Variants in STAG2 observed in about 807,000 individuals in gnomAD.
STAG2 encodes cohesin subunit SA-2.
In STAG2, 14 loss-of-function variants were observed where a neutral mutation model predicts 108.1. The ratio of observed to expected loss-of-function variants is 0.13; its 90% CI spans 0.09 to 0.20. The LOEUF is 0.20. STAG2 is among the 10% of genes least tolerant of loss of function. STAG2 has a pLI of 1.00. For synonymous variants in STAG2, 307 were observed against 302.7 expected, an observed-to-expected ratio of 1.01 and a Z score of -0.15; for missense variants, 440 against 940.9, an observed-to-expected ratio of 0.47 and a Z score of 6.96.
chrX:124,014,515 C>A (rs1237873563), intron 1 of STAG2, among the ~76,000 whole-genome samples: 1 of 110,542 alleles, frequency 9.0e-6, no homozygotes, highest in East Asian at 2.8e-4. Context: ...CCTGTGCCAC[C>A]ATGCCCAGCT....
chrX:124,076,055 A>T (rs902865676), intron 25 of STAG2, among the ~76,000 whole-genome samples: 1 of 111,619 alleles, frequency 9.0e-6, no homozygotes, highest in Non-Finnish European at 1.9e-5. Context: ...CTATCCTGCT[A>T]GGGAAGTAGA....
At chrX:124,041,568 T>C (rs954833134) in intron 6 of STAG2, among the ~76,000 whole-genome samples, 1 of 111,502 alleles carries the variant, frequency 9.0e-6, no homozygotes, top group African/African-American at 3.3e-5. Context: ...ACTATATTTA[T>C]GGTATTTCTA....
At chrX:123,973,924 A>G (rs1186254889) in intron 1 of STAG2, among the ~76,000 whole-genome samples, 1 of 111,440 alleles carries the variant, frequency 9.0e-6, no homozygotes, top group South Asian at 3.8e-4. Context: ...TTAGGGGAAT[A>G]TAGTCAGTTG....
At chrX:123,998,506 CAGTT>C (rs2055863692) in intron 1 of STAG2, among the ~76,000 whole-genome samples, 2 of 103,741 alleles carry the variant, frequency 1.9e-5, no homozygotes, top group South Asian at 8.7e-4. Flanking sequence ...TTTTAAGGAA[CAGTT>C]ATATCGTTTT....
chrX:124,001,538 A>G (rs1343300902), intron 1 of STAG2, among the ~76,000 whole-genome samples: 2 of 112,000 alleles, frequency 1.8e-5, no homozygotes, highest in Admixed American at 1.9e-4. Flanking sequence ...TGCAAGCTCC[A>G]TTCATGGTGA....
intron 1 of STAG2, among the ~76,000 whole-genome samples, chrX:123,995,849 C>G (rs1007756873): frequency 8.9e-6 from 1 of 112,235 alleles, no homozygotes; most frequent in Non-Finnish European, 1.9e-5. Context: ...ATTTCCTTAG[C>G]AAGAGTTCAG....
Position 124,031,096 on chromosome X carries a change from G to A in STAG2, c.259G>A (p.Val87Ile). Reference sequence around the variant, plus strand: ...AGTGGAAAACATGATGTTGTTTGAAGTTGTTAAAATGGGCAAGAGTGCTAT... The same window carrying A: ...AGTGGAAAACATGATGTTGTTTGAAATTGTTAAAATGGGCAAGAGTGCTAT... ...NGVENMMLFE[V>I]VKMGKSAMQS... Residue 87 changes from valine to isoleucine, a missense_variant, in exon 5 of 35, where the codon GTT becomes ATT. Around this residue, in one of 3 missense-constraint regions of STAG2, gnomAD observed 69 missense variants for 254.9 expected, o/e 0.27. Coordinates refer to ENST00000371145, the MANE Select transcript of STAG2 (RefSeq NM_001042750.2). 8.3e-7 allele frequency: 1 copy of A among 1,209,895 alleles called. No homozygotes were observed. The highest frequency in any genetic ancestry group is 1.1e-6 in the Non-Finnish European group (1 of 894,824).
At chrX:124,009,009 A>G (rs767623165) in intron 1 of STAG2, among the ~76,000 whole-genome samples, 51 of 111,820 alleles carry the variant, frequency 4.6e-4, no homozygotes, top group African/African-American at 1.6e-3. Flanking sequence ...TATGAATCTA[A>G]GATAGTTTCA....
At chrX:123,974,907 C>G (rs2054551854) in intron 1 of STAG2, among the ~76,000 whole-genome samples, 1 of 111,848 alleles carries the variant, frequency 8.9e-6, no homozygotes, top group Admixed American at 9.5e-5. Context: ...ATTCACTCAC[C>G]CACACACTCA....
At chrX:124,000,820 GT>G (rs2055996917) in intron 1 of STAG2, among the ~76,000 whole-genome samples, 3 of 112,082 alleles carry the variant, frequency 2.7e-5, no homozygotes, top group East Asian at 5.6e-4. Flanking sequence ...AGATGTAGAA[GT>G]GTAAGACAGT....
At chrX:123,964,942 T>A (rs2147461965) in intron 1 of STAG2, among the ~76,000 whole-genome samples, 1 of 107,399 alleles carries the variant, frequency 9.3e-6, no homozygotes, top group African/African-American at 3.4e-5. Context: ...TGCTCCTAAA[T>A]TCTATTAAGG....
intron 10 of STAG2, 83 bp downstream of exon 10, chrX:124,049,161 T>A: frequency 1.4e-6 from 1 of 737,140 alleles, no homozygotes. Context: ...GTAGGGAATC[T>A]AAATTAGCAG....
At chrX:124,006,021 T>A (rs1432307708) in intron 1 of STAG2, among the ~76,000 whole-genome samples, 1 of 111,353 alleles carries the variant, frequency 9.0e-6, no homozygotes, top group East Asian at 2.8e-4. Flanking sequence ...TCCTTTTTTT[T>A]ATTAGAGTAC....
rs189305317 is a variant in STAG2, at chrX:123,995,476, C to T, written c.-162-25891C>T. Among the ~76,000 whole-genome samples, 449 of 111,089 alleles carry T rather than the reference C, an allele frequency of 4.0e-3. 2 individuals carry two copies. The highest frequency in any genetic ancestry group is 0.014 in the Middle Eastern group (3 of 215). On this transcript the variant is annotated intron_variant, in intron 1 of 34. Transcript: ENST00000371145. Reference sequence around the variant, plus strand: ...TTGGGAGGCCGAGGCGGGTGGATCACGAGGTGAGGAGATCGAGACCATCCT... The same window carrying T: ...TTGGGAGGCCGAGGCGGGTGGATCATGAGGTGAGGAGATCGAGACCATCCT...
chrX:124,011,092 A>T (rs2056506035), intron 1 of STAG2, among the ~76,000 whole-genome samples: 1 of 111,296 alleles, frequency 9.0e-6, no homozygotes, highest in South Asian at 3.7e-4. Flanking sequence ...TTCAGTGTAC[A>T]AGTCTTCTAC....
intron 26 of STAG2, among the ~76,000 whole-genome samples, chrX:124,077,032 T>A (rs1393217274): frequency 1.3e-4 from 14 of 111,566 alleles, no homozygotes; most frequent in African/African-American, 3.9e-4. Flanking sequence ...TTGATTATAC[T>A]AACAGAATGT....
chrX:124,013,279 T>G (rs1437299493), intron 1 of STAG2, among the ~76,000 whole-genome samples: 4 of 109,227 alleles, frequency 3.7e-5, no homozygotes, highest in African/African-American at 1.0e-4. Flanking sequence ...CACAAAGTTA[T>G]GTTAATAAGA....
chrX:124,083,360 TG>T, intron 28 of STAG2, 60 bp from the exon 29 acceptor site: 1 of 963,589 alleles, frequency 1.0e-6, no homozygotes, highest in East Asian at 3.7e-5. Flanking sequence ...CCTAAGTTAT[TG>T]ACTTTTTTAT....
rs76876596 is a variant in STAG2, at chrX:124,058,072, A to G, written c.1416+95A>G. 16,799 of 414,242 alleles carry G rather than the reference A, an allele frequency of 0.041. 328 individuals carry two copies. Among genetic ancestry groups the G allele is most frequent in the Non-Finnish European group, 0.047 (12,350 of 260,882 alleles). The allele number at this position is 414,242 out of a possible 1,213,427, so 34.1% of individuals were successfully genotyped here. On this transcript the variant is annotated intron_variant, in intron 15 of 34. Coordinates refer to ENST00000371145, the MANE Select transcript of STAG2 (RefSeq NM_001042750.2). Reference sequence around the variant, plus strand: ...TTTAAAAAAATATTCCTTGTAGCACAGTAAATTGTGAATAGAATGGAGAGC... The same window carrying G: ...TTTAAAAAAATATTCCTTGTAGCACGGTAAATTGTGAATAGAATGGAGAGC...
Sources: allele counts gnomAD v4.1 joint callset (sites outside exome capture counted in the v4.1 genomes callset), GRCh38; gene constraint gnomAD v4.1.1; regional missense constraint gnomAD v4.1.1; transcripts MANE v1.5; gene names NCBI Gene and HGNC (gene_info 2026-07-23, HGNC 2026-07-21).